The following ATP10A variants were observed in gnomAD, a reference collection of about 807,000 sequenced individuals.
The protein encoded by ATP10A is phospholipid-transporting ATPase VA.
ATP10A carries 111 observed loss-of-function variants against 147.8 expected under a neutral mutation model. The ratio of observed to expected loss-of-function variants is 0.75; its 90% CI spans 0.64 to 0.88. ATP10A has a LOEUF of 0.88. Among genes scored for constraint, ATP10A ranks in the 40% least tolerant of loss-of-function variants. The pLI, the probability that ATP10A is intolerant of heterozygous loss-of-function variation, is 0.00. For missense variants in ATP10A, 1,927 were observed against 1,959.0 expected, an observed-to-expected ratio of 0.98 and a Z score of 0.31; for synonymous variants, 875 against 841.6, an observed-to-expected ratio of 1.04 and a Z score of -0.69.
At chr15:25,779,570 TG>T (rs1555468525) in intron 2 of ATP10A, among the ~76,000 whole-genome samples, 10 of 45,128 alleles carry the variant, frequency 2.2e-4, no homozygotes, top group Non-Finnish European at 4.6e-4. Context: ...GAGCCGGGGG[TG>T]GGGGGTGGGC....
In ATP10A at chr15:25,753,005, A is replaced by T. The variant is rs374958674; in HGVS notation, c.655-16864T>A. ...TGTATAAATTTATGGGGTATAAAGT[A>T]ATGGTATAATTTGTGAATACAATAT... On this transcript the variant is annotated intron_variant, in intron 2 of 20. Coordinates refer to ENST00000555815, the MANE Select transcript of ATP10A (RefSeq NM_024490.4). Among the ~76,000 whole-genome samples, 11 of 152,304 alleles carry T rather than the reference A, an allele frequency of 7.2e-5. No homozygotes were observed. In the East Asian group the frequency reaches 1.7e-3, roughly 24 times the overall value.
Position 25,862,916 on chromosome 15 carries a change from C to A in ATP10A, c.181G>T (p.Asp61Tyr). ...RRRGCAQHLA[D>Y]NRLKTTKYTL... is the part of the protein sequence containing the mutation. ...TACTTGGTAGTCTTGAGCCGGTTGT[C>A]GGCCAGGTGCTGGGCACACCCGCGC... The change falls in exon 1 of 21, where the codon GAC becomes TAC. Residue 61 changes from aspartate to tyrosine, a missense_variant. Coordinates refer to ENST00000555815, the MANE Select transcript of ATP10A (RefSeq NM_024490.4). 1 of 1,607,092 alleles carries A rather than the reference C, an allele frequency of 6.2e-7. No individual in the cohort carries two copies. The highest frequency in any genetic ancestry group is 8.5e-7 in the Non-Finnish European group (1 of 1,177,818).
intron 14 of ATP10A, among the ~76,000 whole-genome samples, chr15:25,693,339 T>C (rs1900137628): frequency 6.6e-6 from 1 of 152,206 alleles, no homozygotes; most frequent in South Asian, 2.1e-4. Context: ...GATGTTCTTA[T>C]GGGTCATTAC....
intron 15 of ATP10A, among the ~76,000 whole-genome samples, chr15:25,688,179 C>T (rs1899803838): frequency 6.6e-6 from 1 of 152,148 alleles, no homozygotes; most frequent in Admixed American, 6.5e-5. Context: ...CTTTCTTTGC[C>T]CCGGATGTCA....
intron 2 of ATP10A, among the ~76,000 whole-genome samples, chr15:25,764,461 C>T (rs901528384): frequency 1.3e-5 from 2 of 152,130 alleles, no homozygotes; most frequent in Non-Finnish European, 2.9e-5. Context: ...AGGGTGGAGC[C>T]TCACGAGTGG....
chr15:25,839,351 C>G (rs1317638511), intron 1 of ATP10A, among the ~76,000 whole-genome samples: 1 of 152,136 alleles, frequency 6.6e-6, no homozygotes, highest in African/African-American at 2.4e-5. Context: ...ATTTTATGTA[C>G]CCTTTATAAC....
At chr15:25,850,437 G>C (rs1294935148) in intron 1 of ATP10A, among the ~76,000 whole-genome samples, 1 of 152,184 alleles carries the variant, frequency 6.6e-6, no homozygotes, top group Non-Finnish European at 1.5e-5. Flanking sequence ...AGCAACAGGA[G>C]AGGCCCCGGC....
intron 12 of ATP10A, among the ~76,000 whole-genome samples, chr15:25,705,454 C>CAAAAAAAAAAAAAAA (rs367718474): frequency 2.1e-4 from 17 of 81,950 alleles, no homozygotes; most frequent in Non-Finnish European, 3.0e-4. Flanking sequence ...AAAAAAAAAA[C>CAAAAAAAAAAAAAAA]AAAAAAAAAA....
At position 25,810,071 on chromosome 15, in the gene ATP10A, C is replaced by T. The variant is rs1366559710; in HGVS notation, c.450-28848G>A. Among the ~76,000 whole-genome samples the T allele has an allele frequency of 2.6e-5, 4 of 152,084 alleles. No individual in the cohort carries two copies. The East Asian group carries it at 7.7e-4, about 29-fold the overall frequency. On this transcript the variant is annotated intron_variant, in intron 1 of 20. Coordinates refer to ENST00000555815, the MANE Select transcript of ATP10A (RefSeq NM_024490.4). ...GGAACCTAGTCTTACACATTAGGCT[C>T]ATCACCTAGCAACTAGAACCCTTGC...
intron 1 of ATP10A, among the ~76,000 whole-genome samples, chr15:25,845,117 C>A: frequency 6.6e-6 from 1 of 152,220 alleles, no homozygotes; most frequent in Non-Finnish European, 1.5e-5. Context: ...TCGCCTCTCA[C>A]AGAGCCCCTC....
At chr15:25,750,521 A>G (rs1264416305) in intron 2 of ATP10A, among the ~76,000 whole-genome samples, 2 of 152,198 alleles carry the variant, frequency 1.3e-5, no homozygotes, top group African/African-American at 4.8e-5. Flanking sequence ...TGAAGAGCAC[A>G]GGAAAAGGCA....
chr15:25,841,560 G>A (rs1465519549), intron 1 of ATP10A: 1 of 135,854 alleles, frequency 7.4e-6, no homozygotes, highest in Admixed American at 8.0e-5. Context: ...GTTTTTCCAC[G>A]TAGAATAAGC....
At chr15:25,736,279 A>G in intron 2 of ATP10A, 138 bp from the exon 3 acceptor site, 1 of 690,780 alleles carries the variant, frequency 1.4e-6, no homozygotes, top group Non-Finnish European at 2.6e-6. Context: ...CTCTCTGGAA[A>G]GCCAAAGCAA....
In ATP10A at chr15:25,724,345, G is replaced by T. The variant is rs147087415; in HGVS notation, c.980-324C>A. ...GCGCCAAGACAGAATTTCTTAACAC[G>T]CATCTCACGAAATACCTGTCTCATG... On this transcript the variant is annotated intron_variant, in intron 5 of 20. Coordinates refer to ENST00000555815, the MANE Select transcript of ATP10A (RefSeq NM_024490.4). Among the ~76,000 whole-genome samples, 46 of 152,248 alleles carry T rather than the reference G, an allele frequency of 3.0e-4. No individual in the cohort carries two copies. The South Asian group carries it at 7.5e-3, about 25-fold the overall frequency.
intron 2 of ATP10A, among the ~76,000 whole-genome samples, chr15:25,769,486 CAAAAAAAAAAAA>C (rs58272964): frequency 1.8e-5 from 1 of 54,770 alleles, no homozygotes; most frequent in African/African-American, 7.9e-5. Flanking sequence ...GACTCTGTCT[CAAAAAAAAAAAA>C]AAAAAAAAAA....
chr15:25,862,706 A>G lies in ATP10A; in HGVS notation c.391T>C (p.Tyr131His), dbSNP rs138610847. ...TTGTGGTCGGAGCGGTGGCGGCTGT[A>G]GTCCTCCCACAGGTCCCTGAAGGCC... ...ITAFRDLWED[Y>H]SRHRSDHKIN... The change falls in exon 1 of 21, where the codon TAC becomes CAC. Residue 131 changes from tyrosine to histidine, a missense_variant. Physicochemically the swap from Tyr to His is moderately conservative, Grantham distance 83. Transcript: ENST00000555815. 9 of 1,609,912 alleles carry G rather than the reference A, an allele frequency of 5.6e-6. No individual in the cohort carries two copies. Among genetic ancestry groups the G allele is most frequent in the Non-Finnish European group, 7.6e-6 (9 of 1,177,802 alleles).
At chr15:25,792,835 G>A (rs1890492071) in intron 1 of ATP10A, among the ~76,000 whole-genome samples, 1 of 149,420 alleles carries the variant, frequency 6.7e-6, no homozygotes, top group African/African-American at 2.5e-5. Context: ...TGCAGCCCCA[G>A]TTCCAATATC....
rs1051708992 is a variant in ATP10A, at chr15:25,679,406, G to C, written c.4435C>G (p.Arg1479Gly). The C allele has an allele frequency of 1.9e-6, 3 of 1,612,044 alleles. No individual in the cohort carries two copies. The highest frequency in any genetic ancestry group is 2.5e-6 in the Non-Finnish European group (3 of 1,178,310). ...TGGTCTGGCCCTTGAAGTCCTGATC[G>C]GCCTGAGTGGGGCTGGACAGGAAGT... is the stretch of plus-strand genomic sequence containing the variant. Reference protein sequence around the residue: ...RGLPVQPHSGRSGLQGPDHRL... With the variant: ...RGLPVQPHSGGSGLQGPDHRL... The change falls in exon 21 of 21, where the codon CGA becomes GGA. Residue 1479 changes from arginine (R) to glycine (G), a missense_variant. By Grantham distance (125) the Arg-to-Gly change is moderately radical. Transcript: ENST00000555815.
intron 3 of ATP10A, among the ~76,000 whole-genome samples, chr15:25,730,257 G>A (rs143611811): frequency 0.019 from 2,811 of 150,640 alleles, 64 homozygotes; most frequent in African/African-American, 0.059. Flanking sequence ...AGCCAAGATC[G>A]CGCCACTGCA....
Sources: allele counts gnomAD v4.1 joint callset (sites outside exome capture counted in the v4.1 genomes callset), GRCh38; gene constraint gnomAD v4.1.1; transcripts MANE v1.5; gene names NCBI Gene and HGNC (gene_info 2026-07-23, HGNC 2026-07-21).